NDUFA5: variants seen among roughly 807,000 people sequenced by gnomAD.
The protein encoded by NDUFA5 is NADH dehydrogenase [ubiquinone] 1 alpha subcomplex subunit 5.
NDUFA5 carries 11 observed loss-of-function variants against 19.8 expected under a neutral mutation model. The observed-to-expected ratio is 0.56, with a 90% CI of 0.35 to 0.92. NDUFA5 has a LOEUF of 0.92. Among genes scored for constraint, NDUFA5 ranks in the 40% least tolerant of loss-of-function variants. The pLI, the probability that NDUFA5 is intolerant of heterozygous loss-of-function variation, is 0.01. For synonymous variants in NDUFA5, 47 were observed against 46.8 expected (o/e 1.00, Z -0.01); for missense variants, 109 against 134.2 (o/e 0.81, Z 0.93).
the NDUFA5 span, among the ~76,000 whole-genome samples, chr7:123,584,308 CAAAAAA>C: frequency 4.0e-5 from 4 of 99,504 alleles, no homozygotes; most frequent in South Asian, 3.5e-4. Context: ...AAGGCCTTGT[CAAAAAA>C]AAAAAAAAAA....
the NDUFA5 span, among the ~76,000 whole-genome samples, chr7:123,582,052 A>T: frequency 7.2e-5 from 11 of 152,070 alleles, no homozygotes; most frequent in African/African-American, 2.4e-4. Context: ...ATAGATGAAA[A>T]TCTCCATCTA....
the NDUFA5 span, among the ~76,000 whole-genome samples, chr7:123,581,380 GTGAAAACAAAACA>G: frequency 7.0e-6 from 1 of 142,434 alleles, no homozygotes; most frequent in Non-Finnish European, 1.5e-5. Context: ...GAGTGTGGGA[GTGAAAACAAAACA>G]TGATCATTCA....
In NDUFA5 at chr7:123,557,286, G is replaced by A. The variant is rs754986121; in HGVS notation, c.66+118C>T. 29 of 1,422,028 alleles carry A rather than the reference G, an allele frequency of 2.0e-5. No homozygotes were observed. In the Admixed American group the frequency reaches 4.3e-4, roughly 21 times the overall value. 88.1% of individuals were successfully genotyped at this position (1,422,028 alleles called of 1,614,324 possible). A position where few individuals can be genotyped will look rare whatever the true frequency, so the allele number is the denominator to read the frequency against. ...CAGCGCCCGTGTCTCAAGAGCTCAC[G>A]CGGCTTGTAATTAAGGGCTTGAAAC... On this transcript the variant is annotated intron_variant, in intron 2 of 4. Transcript: ENST00000355749.
chr7:123,552,566 C>A (rs866556835), intron 2 of NDUFA5, among the ~76,000 whole-genome samples: 3 of 147,526 alleles, frequency 2.0e-5, no homozygotes, highest in Middle Eastern at 3.5e-3. Flanking sequence ...GGCAAACCAC[C>A]ATGGCACGTG....
chr7:123,550,330 A>C, intron 3 of NDUFA5, 140 bp downstream of exon 3: 1 of 629,952 alleles, frequency 1.6e-6, no homozygotes. Flanking sequence ...GAGTTTGCTG[A>C]ATAAAAGGGA....
chr7:123,598,327 TA>T, the NDUFA5 span, among the ~76,000 whole-genome samples: 15 of 152,182 alleles, frequency 9.9e-5, no homozygotes, highest in African/African-American at 3.6e-4. Flanking sequence ...TATTACACAG[TA>T]GGAAACTGAA....
chr7:123,581,420 A>G, the NDUFA5 span, among the ~76,000 whole-genome samples: 11 of 151,576 alleles, frequency 7.3e-5, no homozygotes, highest in African/African-American at 2.4e-4. Context: ...CACTTAAAAA[A>G]AAAAAAAAAA....
chr7:123,590,423 T>C, the NDUFA5 span, among the ~76,000 whole-genome samples: 4 of 152,212 alleles, frequency 2.6e-5, no homozygotes. Context: ...TGGTATTGCC[T>C]AGGTTTTCTT....
the NDUFA5 span, among the ~76,000 whole-genome samples, chr7:123,563,131 C>T: frequency 6.6e-6 from 1 of 152,118 alleles, no homozygotes; most frequent in African/African-American, 2.4e-5. Context: ...CGTGTGTTAA[C>T]AGAGTAGCAC....
the NDUFA5 span, among the ~76,000 whole-genome samples, chr7:123,574,021 T>A: frequency 2.6e-5 from 4 of 152,114 alleles, no homozygotes; most frequent in African/African-American, 9.7e-5. Context: ...AAGAAATACA[T>A]GTTACTCATT....
chr7:123,601,370 A>G, the NDUFA5 span, among the ~76,000 whole-genome samples: 1 of 152,192 alleles, frequency 6.6e-6, no homozygotes. Context: ...ATATCAGACT[A>G]GCAATTATTA....
chr7:123,553,605 G>C (rs1365126960), intron 2 of NDUFA5, among the ~76,000 whole-genome samples: 1 of 152,174 alleles, frequency 6.6e-6, no homozygotes, highest in Non-Finnish European at 1.5e-5. Flanking sequence ...TGTTTGGCAG[G>C]GATGGGGAAA....
chr7:123,594,228 C>T, the NDUFA5 span, among the ~76,000 whole-genome samples: 1 of 152,104 alleles, frequency 6.6e-6, no homozygotes, highest in Non-Finnish European at 1.5e-5. Flanking sequence ...TTAGAACATG[C>T]TTCTTTAGCT....
the NDUFA5 span, among the ~76,000 whole-genome samples, chr7:123,580,120 T>C: frequency 1.4e-3 from 211 of 152,086 alleles, 1 homozygote; most frequent in South Asian, 6.2e-3. Context: ...AATTGGGTCT[T>C]AAATTAGCAG....
chr7:123,589,848 C>T, the NDUFA5 span, among the ~76,000 whole-genome samples: 1 of 152,120 alleles, frequency 6.6e-6, no homozygotes, highest in African/African-American at 2.4e-5. Flanking sequence ...AATGGGATCG[C>T]TAAGTCAAAT....
chr7:123,572,131 CTTTTTTTTTTTTTTTTTT>C, the NDUFA5 span, among the ~76,000 whole-genome samples: 2 of 47,978 alleles, frequency 4.2e-5, 1 homozygote, highest in Admixed American at 6.8e-4. Context: ...TGTAGAATTT[CTTTTTTTTTTTTTTTTTT>C]TTTTTTTTTT....
At position 123,540,890 on chromosome 7, in the gene NDUFA5, GCACACACACACACACACA is replaced by G. The variant is rs56974030; in HGVS notation, c.*1211_*1228del. On this transcript the variant is annotated 3_prime_UTR_variant, in exon 5 of 5. Transcript: ENST00000355749. ...TCTGAGCAAATGTGCGCATGCGCGT[GCACACACACACACACACA>G]CACACACACACACACACACACACAC... 1.0e-4 allele frequency: 14 copies of G among 133,908 alleles called. No individual in the cohort carries two copies. Among genetic ancestry groups the G allele is most frequent in the African/African-American group, 1.2e-4 (4 of 33,894 alleles). 8.3% of individuals were successfully genotyped at this position (133,908 alleles called of 1,614,324 possible).
rs1290531554 is a variant in NDUFA5, at chr7:123,557,756, T to A, written c.21+19A>T. On this transcript the variant is annotated intron_variant, in intron 1 of 4. Coordinates refer to ENST00000355749, the MANE Select transcript of NDUFA5 (RefSeq NM_005000.5). ...ACCCCCACAGTCTAAATTCCAACAG[T>A]GACCTCCATTCGTCTCACCTTCTTC... is the stretch of plus-strand genomic sequence containing the variant. 1 of 1,613,792 alleles carries A rather than the reference T, an allele frequency of 6.2e-7. No individual in the cohort carries two copies. Among genetic ancestry groups the A allele is most frequent in the African/African-American group, 1.3e-5 (1 of 74,888 alleles).
At chr7:123,563,813 C>T in the NDUFA5 span, among the ~76,000 whole-genome samples, 1 of 152,172 alleles carries the variant, frequency 6.6e-6, no homozygotes, top group Admixed American at 6.5e-5. Flanking sequence ...CACAGAGCCA[C>T]AGGCAGTTCT....
Sources: allele counts gnomAD v4.1 joint callset (sites outside exome capture counted in the v4.1 genomes callset), GRCh38; gene constraint gnomAD v4.1.1; transcripts MANE v1.5; gene names NCBI Gene and HGNC (gene_info 2026-07-23, HGNC 2026-07-21).